UHMK1: variants seen among roughly 807,000 people sequenced by gnomAD.
The protein encoded by UHMK1 is U2AF homology motif kinase 1.
In UHMK1, 18 loss-of-function variants were observed where a neutral mutation model predicts 44.0. That is an observed-to-expected ratio of 0.41 (90% CI 0.28 to 0.61). The LOEUF is 0.61. Among genes scored for constraint, UHMK1 ranks in the 20% least tolerant of loss-of-function variants. The pLI, the probability that UHMK1 is intolerant of heterozygous loss-of-function variation, is 0.31. For synonymous variants in UHMK1, 231 were observed against 198.5 expected (o/e 1.16, Z -1.38); for missense variants, 463 against 522.5 (o/e 0.89, Z 1.11).
intron 3 of UHMK1, 140 bp from the exon 4 acceptor site, chr1:162,503,611 CAAA>C (rs33964112): frequency 0.12 from 40,729 of 352,800 alleles, 35 homozygotes; most frequent in East Asian, 0.14. Context: ...ACCCTGTCTC[CAAA>C]AAAAAAAAAA....
At position 162,526,838 on chromosome 1, in the gene UHMK1, A is replaced by G. The variant is rs766699488; in HGVS notation, c.*4288A>G. 1 of 152,088 alleles carries G rather than the reference A, an allele frequency of 6.6e-6. No individual in the cohort carries two copies. The highest frequency in any genetic ancestry group is 1.5e-5 in the Non-Finnish European group (1 of 67,970). The allele number at this position is 152,088 out of a possible 1,614,324, so 9.4% of individuals were successfully genotyped here. On this transcript the variant is annotated 3_prime_UTR_variant, in exon 8 of 8. Transcript: ENST00000489294. ...TTGGATCTCTAGTTCTGTTTTTAAT[A>G]TCAGGTTCCTTCATCAAATTTTACT...
In UHMK1 at chr1:162,520,924, C is replaced by G. The variant is rs188354261; in HGVS notation, c.1114-1480C>G. On this transcript the variant is annotated intron_variant, in intron 7 of 7. Transcript: ENST00000489294. ...AATAGAGAGACAGGAGAAGTCTTTT[C>G]CAGAGAGAAGTATCCAGGTTTAAGA... Among the ~76,000 whole-genome samples the G allele has an allele frequency of 2.4e-3, 366 of 152,174 alleles. 1 individual carries two copies. Among genetic ancestry groups the G allele is most frequent in the Non-Finnish European group, 3.7e-3 (249 of 68,002 alleles).
At position 162,528,854 on chromosome 1, in the gene UHMK1, C is replaced by T. The variant is rs1326017035; in HGVS notation, c.*6304C>T. ...GGGGTAGAAGGGATTTTATTTTTTC[C>T]CAAAAGGGTTCCATCTTTGCTATCT... is the stretch of plus-strand genomic sequence containing the variant. On this transcript the variant is annotated 3_prime_UTR_variant, in exon 8 of 8. Coordinates refer to ENST00000489294, the MANE Select transcript of UHMK1 (RefSeq NM_175866.5). 2 of 151,748 alleles carry T rather than the reference C, an allele frequency of 1.3e-5. No individual in the cohort carries two copies. The highest frequency in any genetic ancestry group is 4.8e-5 in the African/African-American group (2 of 41,294). 9.4% of individuals were successfully genotyped at this position (151,748 alleles called of 1,614,324 possible). A position where few individuals can be genotyped will look rare whatever the true frequency, so the allele number is the denominator to read the frequency against.
At chr1:162,522,081 A>G (rs1322790791) in intron 7 of UHMK1, among the ~76,000 whole-genome samples, 1 of 128,518 alleles carries the variant, frequency 7.8e-6, no homozygotes, top group Non-Finnish European at 1.8e-5. Context: ...GTCTAGTGTT[A>G]TTCATCACTC....
upstream of UHMK1, chr1:162,497,326 G>T: frequency 1.4e-6 from 1 of 701,524 alleles, no homozygotes; most frequent in Non-Finnish European, 2.6e-6. Context: ...CCCACTTCCC[G>T]TCATGGACTG....
At chr1:162,505,511 A>C (rs908928547) in intron 4 of UHMK1, among the ~76,000 whole-genome samples, 7 of 152,348 alleles carry the variant, frequency 4.6e-5, no homozygotes, top group Admixed American at 4.6e-4. Flanking sequence ...TCCTACCGCA[A>C]CACCTGCATT....
intron 4 of UHMK1, among the ~76,000 whole-genome samples, chr1:162,507,446 C>G (rs541615056): frequency 1.3e-5 from 2 of 151,816 alleles, no homozygotes; most frequent in East Asian, 1.9e-4. Flanking sequence ...TATATTATCT[C>G]TTTTTCCTTT....
intron 4 of UHMK1, among the ~76,000 whole-genome samples, chr1:162,511,181 T>C (rs1049980482): frequency 2.2e-4 from 28 of 128,054 alleles, no homozygotes; most frequent in Non-Finnish European, 3.1e-4. Context: ...TTTTTCTTTT[T>C]TCTTTTTCTT....
At position 162,497,893 on chromosome 1, in the gene UHMK1, C is replaced by T. The variant is rs574449172; in HGVS notation, c.-108C>T. On this transcript the variant is annotated 5_prime_UTR_variant, in exon 1 of 8. Coordinates refer to ENST00000489294, the MANE Select transcript of UHMK1 (RefSeq NM_175866.5). ...GGAGTCGGTGAGGCGGCTGCAGGTC[C>T]CTCCCTGCGGAGCCGCTGGTCCGGC... 7 of 1,416,726 alleles carry T rather than the reference C, an allele frequency of 4.9e-6. No individual in the cohort carries two copies. The African/African-American group carries it at 1.0e-4, about 21-fold the overall frequency. 87.8% of individuals were successfully genotyped at this position (1,416,726 alleles called of 1,614,324 possible).
At chr1:162,503,362 C>T (rs1651347763) in intron 3 of UHMK1, among the ~76,000 whole-genome samples, 1 of 152,034 alleles carries the variant, frequency 6.6e-6, no homozygotes, top group Non-Finnish European at 1.5e-5. Flanking sequence ...ATAGTCCCAG[C>T]ACTTTGGGAG....
chr1:162,528,937 C>T lies in UHMK1; in HGVS notation c.*6387C>T, dbSNP rs1314807384. ...AATAAATTTTAATGGTTGATGGCAT[C>T]CTGTGTCAGCTGGAGTAGTTGGTTG... On this transcript the variant is annotated 3_prime_UTR_variant, in exon 8 of 8. Coordinates refer to ENST00000489294, the MANE Select transcript of UHMK1 (RefSeq NM_175866.5). 1 of 152,020 alleles carries T rather than the reference C, an allele frequency of 6.6e-6. No homozygotes were observed. The highest frequency in any genetic ancestry group is 1.5e-5 in the Non-Finnish European group (1 of 67,972). 9.4% of individuals were successfully genotyped at this position (152,020 alleles called of 1,614,324 possible). A position where few individuals can be genotyped will look rare whatever the true frequency, so the allele number is the denominator to read the frequency against.
rs933419601 is a variant in UHMK1, at chr1:162,526,131, T to C, written c.*3581T>C. The stretch of plus-strand genomic sequence containing the variant: ...ATAAAAGGCGGAGTTAGAGCACTTA[T>C]CAGATGCTGTTTCATGGCTTGTTTT... On this transcript the variant is annotated 3_prime_UTR_variant, in exon 8 of 8. Transcript: ENST00000489294. 3.3e-5 allele frequency: 5 copies of C among 152,286 alleles called. No individual in the cohort carries two copies. The highest frequency in any genetic ancestry group is 3.4e-3 in the Middle Eastern group (1 of 294). 9.4% of individuals were successfully genotyped at this position (152,286 alleles called of 1,614,324 possible). A position where few individuals can be genotyped will look rare whatever the true frequency, so the allele number is the denominator to read the frequency against.
intron 4 of UHMK1, among the ~76,000 whole-genome samples, chr1:162,512,023 G>A (rs1014296788): frequency 5.9e-5 from 9 of 151,820 alleles, no homozygotes; most frequent in African/African-American, 2.2e-4. Context: ...AGGTAGTATA[G>A]TGCTTCCAGC....
intron 7 of UHMK1, among the ~76,000 whole-genome samples, chr1:162,520,561 G>C (rs1295289540): frequency 6.6e-6 from 1 of 152,154 alleles, no homozygotes; most frequent in Non-Finnish European, 1.5e-5. Flanking sequence ...AGTAGGGAAG[G>C]ACATCTGAGA....
intron 3 of UHMK1, 136 bp downstream of exon 3, chr1:162,501,240 G>C: frequency 1.2e-6 from 1 of 824,990 alleles, no homozygotes; most frequent in Non-Finnish European, 1.8e-6. Context: ...CGCAATCTCA[G>C]CTCACTGCAA....
intron 4 of UHMK1, among the ~76,000 whole-genome samples, chr1:162,512,243 G>C (rs1427840542): frequency 6.6e-6 from 1 of 151,538 alleles, no homozygotes; most frequent in South Asian, 2.1e-4. Context: ...CTGTTACAGA[G>C]TGTGGATCAC....
intron 6 of UHMK1, 123 bp downstream of exon 6, chr1:162,512,946 A>G: frequency 1.0e-6 from 1 of 973,240 alleles, no homozygotes; most frequent in Non-Finnish European, 1.5e-6. Context: ...ATGATCTCTA[A>G]TATACTCTCA....
chr1:162,510,698 A>G (rs935729154), intron 4 of UHMK1, among the ~76,000 whole-genome samples: 8 of 151,886 alleles, frequency 5.3e-5, no homozygotes, highest in African/African-American at 1.9e-4. Context: ...CATGCAAGAA[A>G]TGAACACTTA....
chr1:162,499,722 C>T (rs951623942), intron 1 of UHMK1, among the ~76,000 whole-genome samples: 3 of 152,034 alleles, frequency 2.0e-5, no homozygotes, highest in Non-Finnish European at 4.4e-5. Flanking sequence ...ATAATTGTAC[C>T]ATATTTAGTA....
Sources: gnomAD v4.1 joint callset for allele counts (sites outside exome capture counted in the v4.1 genomes callset) on GRCh38, gnomAD v4.1.1 for gene constraint, MANE v1.5 for transcripts, NCBI Gene and HGNC (gene_info 2026-07-23, HGNC 2026-07-21) for gene names.